The following PDE11A variants were observed in gnomAD, a reference collection of about 807,000 sequenced individuals.
PDE11A encodes dual 3',5'-cyclic-AMP and -GMP phosphodiesterase 11A.
PDE11A carries 100 observed loss-of-function variants against 100.5 expected under a neutral mutation model. That is an observed-to-expected ratio of 1.00 (90% CI 0.85 to 1.18). PDE11A has a LOEUF of 1.18. PDE11A is among the 50% of genes most tolerant of loss of function. PDE11A has a pLI of 0.00. For missense variants in PDE11A, 1,141 were observed against 1,152.6 expected (o/e 0.99, Z 0.15); for synonymous variants, 381 against 420.8 (o/e 0.91, Z 1.16).
intron 2 of PDE11A, among the ~76,000 whole-genome samples, chr2:177,905,860 C>T (rs2084777688): frequency 1.3e-5 from 2 of 152,150 alleles, no homozygotes; most frequent in Admixed American, 1.3e-4. Context: ...GGCTGGGAGC[C>T]TGTAATGGAG....
chr2:177,720,154 T>G (rs1282574568), intron 12 of PDE11A, among the ~76,000 whole-genome samples: 1 of 152,070 alleles, frequency 6.6e-6, no homozygotes, highest in Non-Finnish European at 1.5e-5. Context: ...TGCTTTGTGA[T>G]GGAATGGCAA....
chr2:177,830,248 G>C (rs1030466599), intron 6 of PDE11A, among the ~76,000 whole-genome samples: 12 of 152,312 alleles, frequency 7.9e-5, no homozygotes, highest in South Asian at 6.2e-4. Flanking sequence ...ACCCTGAGCA[G>C]AGAACCCAGC....
intron 10 of PDE11A, among the ~76,000 whole-genome samples, chr2:177,764,577 G>A (rs1407393147): frequency 2.0e-5 from 3 of 152,152 alleles, no homozygotes; most frequent in African/African-American, 7.2e-5. Context: ...ATCACAGCTG[G>A]CATCTTTAGG....
intron 18 of PDE11A, among the ~76,000 whole-genome samples, chr2:177,668,692 A>G (rs570097975): frequency 1.3e-5 from 2 of 152,328 alleles, no homozygotes; most frequent in Admixed American, 1.3e-4. Context: ...GACCTTATAA[A>G]TACCTCCAAA....
intron 10 of PDE11A, among the ~76,000 whole-genome samples, chr2:177,760,021 G>T (rs972900220): frequency 1.3e-5 from 2 of 152,114 alleles, no homozygotes; most frequent in African/African-American, 2.4e-5. Context: ...GAAACTCCAT[G>T]ACATTGCTTC....
intron 6 of PDE11A, 124 bp from the exon 7 acceptor site, chr2:177,820,419 A>T: frequency 1.5e-6 from 1 of 662,236 alleles, no homozygotes; most frequent in Non-Finnish European, 2.7e-6. Flanking sequence ...ATACACTGTA[A>T]CCTAATTTTG....
intron 4 of PDE11A, among the ~76,000 whole-genome samples, chr2:177,881,878 G>C (rs917440052): frequency 6.6e-6 from 1 of 152,222 alleles, no homozygotes; most frequent in Non-Finnish European, 1.5e-5. Flanking sequence ...AACTTCTCTG[G>C]TGTAGAGCCA....
intron 15 of PDE11A, among the ~76,000 whole-genome samples, chr2:177,695,787 A>T (rs2081102941): frequency 6.6e-6 from 1 of 152,184 alleles, no homozygotes. Flanking sequence ...AATCTCTTTG[A>T]GCTTTTCGTG....
intron 9 of PDE11A, among the ~76,000 whole-genome samples, chr2:177,790,623 T>C (rs888318990): frequency 1.6e-4 from 25 of 151,720 alleles, no homozygotes; most frequent in African/African-American, 5.8e-4. Context: ...TGGGAGAAAA[T>C]TTTTGCAACC....
At chr2:178,037,663 C>T (rs969318577) in intron 1 of PDE11A, among the ~76,000 whole-genome samples, 2 of 152,174 alleles carry the variant, frequency 1.3e-5, no homozygotes, top group Non-Finnish European at 2.9e-5. Flanking sequence ...AAATGTGGCA[C>T]ATATACACCA....
In PDE11A at chr2:177,875,861, G is replaced by C; in HGVS notation, c.1365C>G (p.Asn455Lys). 2 of 1,606,542 alleles carry C rather than the reference G, an allele frequency of 1.2e-6. No homozygotes were observed. Among genetic ancestry groups the C allele is most frequent in the Admixed American group, 1.7e-5 (1 of 60,006 alleles). Residue 455 changes from asparagine (N) to lysine (K), a missense_variant and splice_region_variant, in exon 5 of 20, where the codon AAC becomes AAG. Asn to Lys is a moderately conservative substitution (Grantham distance 94). Coordinates refer to ENST00000286063, the MANE Select transcript of PDE11A (RefSeq NM_016953.4). ...MSPKCSADAE[N>K]SFKESMEKSS... ...CCCATGAACCCCACAAGCCCTACCT[G>C]TTCTCAGCATCAGCACTGCACTTTG...
chr2:177,763,109 C>A (rs1171290029), intron 10 of PDE11A, among the ~76,000 whole-genome samples: 1 of 152,154 alleles, frequency 6.6e-6, no homozygotes, highest in African/African-American at 2.4e-5. Context: ...ATGGATGCGT[C>A]CTGAGCAGTG....
At chr2:178,089,056 G>T (rs140174009) in intron 2 of PDE11A, among the ~76,000 whole-genome samples, 1 of 152,272 alleles carries the variant, frequency 6.6e-6, no homozygotes, top group East Asian at 1.9e-4. Flanking sequence ...TATGGTGCCC[G>T]TATCAGTTAG....
In PDE11A at chr2:177,628,241, A is replaced by G. The variant is rs546078168; in HGVS notation, c.*1166T>C. On this transcript the variant is annotated 3_prime_UTR_variant, in exon 20 of 20. Coordinates refer to ENST00000286063, the MANE Select transcript of PDE11A (RefSeq NM_016953.4). The stretch of plus-strand genomic sequence containing the variant: ...AAGTCAATCCAGTCAATAATGCCAA[A>G]GCTAAGGATAGAAATCTATCTTCTA... 2.0e-5 allele frequency: 3 copies of G among 152,808 alleles called. No individual in the cohort carries two copies. The East Asian group carries it at 5.8e-4, about 29-fold the overall frequency. The allele number at this position is 152,808 out of a possible 1,614,324, so 9.5% of individuals were successfully genotyped here.
intron 10 of PDE11A, among the ~76,000 whole-genome samples, chr2:177,741,251 T>C (rs939790010): frequency 5.3e-5 from 8 of 152,166 alleles, no homozygotes; most frequent in Non-Finnish European, 1.0e-4. Flanking sequence ...GATGGCTGCC[T>C]TCTCGCTACG....
intron 6 of PDE11A, among the ~76,000 whole-genome samples, chr2:177,834,717 G>GCATAAGAATAAGAGGTTTCTCCCC (rs2083365224): frequency 2.0e-5 from 3 of 152,218 alleles, no homozygotes; most frequent in Non-Finnish European, 4.4e-5. Flanking sequence ...GAAACCCATT[G>GCATAAGAATAAGAGGTTTCTCCCC]CATAAGAATA....
At chr2:177,860,165 A>G (rs1237105184) in intron 5 of PDE11A, among the ~76,000 whole-genome samples, 1 of 151,776 alleles carries the variant, frequency 6.6e-6, no homozygotes, top group Non-Finnish European at 1.5e-5. Context: ...AAAATCAACA[A>G]AACAAAAATT....
intron 19 of PDE11A, among the ~76,000 whole-genome samples, chr2:177,646,814 C>T (rs554762393): frequency 1.3e-5 from 2 of 152,362 alleles, no homozygotes; most frequent in African/African-American, 4.8e-5. Flanking sequence ...GACTCATCTA[C>T]TCTACCCTGC....
intron 19 of PDE11A, among the ~76,000 whole-genome samples, chr2:177,637,999 T>TATATATATA (rs1559120768): frequency 2.3e-3 from 81 of 35,352 alleles, no homozygotes; most frequent in African/African-American, 7.7e-3. Flanking sequence ...ATATATATAT[T>TATATATATA]TTTTTTTTTT....
Sources: gnomAD v4.1 joint callset for allele counts (sites outside exome capture counted in the v4.1 genomes callset) on GRCh38, gnomAD v4.1.1 for gene constraint, MANE v1.5 for transcripts, NCBI Gene and HGNC (gene_info 2026-07-23, HGNC 2026-07-21) for gene names.